SAMTOR: variants seen among roughly 807,000 people sequenced by gnomAD.
SAMTOR encodes S-adenosylmethionine sensor upstream of mTORC1.
At chr7:112,824,864 T>C in the SAMTOR span, among the ~76,000 whole-genome samples, 1 of 152,208 alleles carries the variant, frequency 6.6e-6, no homozygotes, top group Non-Finnish European at 1.5e-5. Flanking sequence ...CTGTCTTGAA[T>C]ACTGTAGCTT....
chr7:112,887,836 T>A, the SAMTOR span, among the ~76,000 whole-genome samples: 1 of 152,162 alleles, frequency 6.6e-6, no homozygotes, highest in Non-Finnish European at 1.5e-5. Flanking sequence ...TCCTATCTCT[T>A]TTCGTTGGTT....
the SAMTOR span, among the ~76,000 whole-genome samples, chr7:112,887,150 C>A: frequency 6.6e-6 from 1 of 151,754 alleles, no homozygotes; most frequent in Non-Finnish European, 1.5e-5. Context: ...CCAGCCTGGG[C>A]TACAGAGCGA....
chr7:112,873,408 A>G, the SAMTOR span, among the ~76,000 whole-genome samples: 1 of 152,144 alleles, frequency 6.6e-6, no homozygotes, highest in African/African-American at 2.4e-5. Context: ...ACCCAGAAAT[A>G]AAGCCACACA....
the SAMTOR span, among the ~76,000 whole-genome samples, chr7:112,850,360 C>CT: frequency 1.3e-5 from 2 of 152,120 alleles, no homozygotes; most frequent in Admixed American, 1.3e-4. Flanking sequence ...GGCCTGCAGT[C>CT]TTTTTTTGTG....
chr7:112,859,579 C>G, the SAMTOR span, among the ~76,000 whole-genome samples: 1 of 152,038 alleles, frequency 6.6e-6, no homozygotes, highest in Admixed American at 6.6e-5. Context: ...AGCTCCTTTG[C>G]CAGTAATGAC....
chr7:112,907,772 G>A, the SAMTOR span, among the ~76,000 whole-genome samples: 21 of 151,894 alleles, frequency 1.4e-4, no homozygotes, highest in African/African-American at 3.9e-4. Context: ...CCAATCTATC[G>A]GAGAAAAATT....
the SAMTOR span, among the ~76,000 whole-genome samples, chr7:112,901,536 A>C: frequency 6.6e-6 from 1 of 152,186 alleles, no homozygotes; most frequent in African/African-American, 2.4e-5. Context: ...CTAATAATAG[A>C]AATAAAGTGC....
At chr7:112,910,707 T>C in the SAMTOR span, among the ~76,000 whole-genome samples, 18,667 of 152,052 alleles carry the variant, frequency 0.12, 1,448 homozygotes, top group African/African-American at 0.22. Flanking sequence ...ATCTAATAGA[T>C]ATTTTTGCAA....
chr7:112,907,366 G>A, the SAMTOR span, among the ~76,000 whole-genome samples: 2 of 152,082 alleles, frequency 1.3e-5, no homozygotes, highest in Non-Finnish European at 2.9e-5. Flanking sequence ...TAATAAATGA[G>A]AAATCCCCTA....
the SAMTOR span, among the ~76,000 whole-genome samples, chr7:112,841,161 T>G: frequency 6.6e-6 from 1 of 152,144 alleles, no homozygotes; most frequent in Non-Finnish European, 1.5e-5. Context: ...GCAGATGACA[T>G]GATTGTATAT....
the SAMTOR span, among the ~76,000 whole-genome samples, chr7:112,850,606 T>C: frequency 6.6e-6 from 1 of 152,318 alleles, no homozygotes; most frequent in Admixed American, 6.5e-5. Flanking sequence ...TGAGGATTTC[T>C]GATTCTTCCT....
the SAMTOR span, among the ~76,000 whole-genome samples, chr7:112,878,652 T>G: frequency 6.6e-6 from 1 of 152,174 alleles, no homozygotes; most frequent in Non-Finnish European, 1.5e-5. Flanking sequence ...AGGGAAACAC[T>G]AGGCATGAGC....
the SAMTOR span, chr7:112,915,496 ACT>A: frequency 9.7e-4 from 1,391 of 1,430,262 alleles, 3 homozygotes; most frequent in Middle Eastern, 9.4e-3. Context: ...AACATGTCAG[ACT>A]CTTGAAATAA....
the SAMTOR span, among the ~76,000 whole-genome samples, chr7:112,859,338 GT>G: frequency 1.3e-5 from 2 of 152,314 alleles, no homozygotes; most frequent in South Asian, 4.1e-4. Context: ...CTATTGCCTA[GT>G]GATGATTTAG....
chr7:112,924,028 C>T, the SAMTOR span, among the ~76,000 whole-genome samples: 2 of 138,760 alleles, frequency 1.4e-5, no homozygotes, highest in South Asian at 2.4e-4. Context: ...GAAGATCACA[C>T]TCTGGGGTCT....
the SAMTOR span, among the ~76,000 whole-genome samples, chr7:112,878,087 A>G: frequency 1.3e-5 from 2 of 152,202 alleles, no homozygotes; most frequent in African/African-American, 4.8e-5. Flanking sequence ...ATCATGTTTT[A>G]GCATGTAGCA....
the SAMTOR span, among the ~76,000 whole-genome samples, chr7:112,868,160 C>T: frequency 1.3e-5 from 2 of 152,234 alleles, no homozygotes; most frequent in African/African-American, 2.4e-5. Context: ...TGCTCAAGAA[C>T]ACCTTACACT....
chr7:112,890,428 A>C, the SAMTOR span, among the ~76,000 whole-genome samples: 1 of 152,148 alleles, frequency 6.6e-6, no homozygotes, highest in South Asian at 2.1e-4. Flanking sequence ...ATTAAGTCTA[A>C]GCAAATTACT....
the SAMTOR span, among the ~76,000 whole-genome samples, chr7:112,860,643 C>T: frequency 1.3e-5 from 2 of 152,104 alleles, no homozygotes; most frequent in African/African-American, 4.8e-5. Context: ...TGGCTCACGC[C>T]TGTAATCCCA....
Sources: allele counts gnomAD v4.1 joint callset (sites outside exome capture counted in the v4.1 genomes callset), GRCh38; gene constraint gnomAD v4.1.1; transcripts MANE v1.5; gene names NCBI Gene and HGNC (gene_info 2026-07-23, HGNC 2026-07-21).